The following TMPRSS7 variants were observed in gnomAD, a reference collection of about 807,000 sequenced individuals.
TMPRSS7 encodes transmembrane protease serine 7.
A neutral mutation model predicts 95.6 loss-of-function variants in TMPRSS7; 81 were observed. The ratio of observed to expected loss-of-function variants is 0.85; its 90% CI spans 0.71 to 1.02. The LOEUF is 1.02. TMPRSS7 is among the 50% of genes least tolerant of loss of function. The pLI is 0.00. For synonymous variants in TMPRSS7, 364 were observed against 337.8 expected (o/e 1.08, Z -0.85); for missense variants, 945 against 955.2 (o/e 0.99, Z 0.14).
chr3:112,049,571 T>A (rs1280585044), intron 7 of TMPRSS7, among the ~76,000 whole-genome samples: 1 of 152,152 alleles, frequency 6.6e-6, no homozygotes, highest in Non-Finnish European at 1.5e-5. Flanking sequence ...ATACACTACT[T>A]TTATGCCGTA....
chr3:112,044,667 G>A (rs542815006), intron 4 of TMPRSS7, among the ~76,000 whole-genome samples: 1 of 152,172 alleles, frequency 6.6e-6, no homozygotes, highest in African/African-American at 2.4e-5. Context: ...TGAAAAACTG[G>A]TCACTAGAGA....
chr3:112,071,519 T>C (rs1244596608), intron 13 of TMPRSS7, among the ~76,000 whole-genome samples: 4 of 152,240 alleles, frequency 2.6e-5, no homozygotes, highest in Non-Finnish European at 5.9e-5. Flanking sequence ...GAAGTTCTCA[T>C]GGATAATATC....
At chr3:112,054,549 A>G (rs1231244472) in intron 9 of TMPRSS7, among the ~76,000 whole-genome samples, 3 of 151,974 alleles carry the variant, frequency 2.0e-5, no homozygotes, top group Non-Finnish European at 4.4e-5. Context: ...ATTTCTTTTC[A>G]CTATGGAGGA....
At chr3:112,057,894 C>G (rs1424631719) in intron 10 of TMPRSS7, among the ~76,000 whole-genome samples, 1 of 151,744 alleles carries the variant, frequency 6.6e-6, no homozygotes, top group Non-Finnish European at 1.5e-5. Flanking sequence ...CCTGGCTAAT[C>G]TTTGTAGTTT....
intron 9 of TMPRSS7, among the ~76,000 whole-genome samples, chr3:112,051,765 T>C (rs2073362358): frequency 6.6e-6 from 1 of 152,086 alleles, no homozygotes; most frequent in Non-Finnish European, 1.5e-5. Context: ...AAAAAAAATC[T>C]TAGTAAACTG....
At chr3:112,050,761 G>A in exon 9 of TMPRSS7, 1 of 1,597,080 alleles carries the variant, frequency 6.3e-7, no homozygotes, top group Non-Finnish European at 8.5e-7. Context: ...CCTCCAAAAT[G>A]CAAGTGTACC....
chr3:112,044,181 C>T (rs147032003), intron 3 of TMPRSS7, 74 bp from the exon 4 acceptor site: 3 of 1,055,706 alleles, frequency 2.8e-6, no homozygotes, highest in East Asian at 2.6e-5. Flanking sequence ...AGAGCTTGGG[C>T]CTACAACATT....
At chr3:112,050,021 A>AATG (rs1262931727) in intron 8 of TMPRSS7, 47 bp downstream of exon 8, 1 of 1,496,082 alleles carries the variant, frequency 6.7e-7, no homozygotes, top group South Asian at 1.4e-5. Context: ...AAATATTTGT[A>AATG]ATGATAGGCT....
chr3:112,063,697 T>A (rs2073541902), intron 12 of TMPRSS7, 65 bp downstream of exon 12: 4 of 1,283,316 alleles, frequency 3.1e-6, no homozygotes, highest in Non-Finnish European at 4.5e-6. Context: ...CCATGATTGC[T>A]GCTGATATAT....
chr3:112,042,273 T>C (rs1402870034), intron 3 of TMPRSS7, among the ~76,000 whole-genome samples: 1 of 152,096 alleles, frequency 6.6e-6, no homozygotes, highest in Non-Finnish European at 1.5e-5. Flanking sequence ...AAAAAAAGAA[T>C]GGCTCTCTCA....
intron 9 of TMPRSS7, among the ~76,000 whole-genome samples, chr3:112,055,402 G>A (rs572980975): frequency 6.6e-6 from 1 of 151,518 alleles, no homozygotes; most frequent in South Asian, 2.1e-4. Context: ...AGGTGGTGAG[G>A]GGTGGTTTAC....
At chr3:112,045,545 A>T (rs914201228) in intron 4 of TMPRSS7, among the ~76,000 whole-genome samples, 3 of 152,260 alleles carry the variant, frequency 2.0e-5, no homozygotes, top group Admixed American at 2.0e-4. Flanking sequence ...GTTTTAGATT[A>T]GAATCCAACA....
chr3:112,071,836 T>A (rs1465865716), intron 13 of TMPRSS7, among the ~76,000 whole-genome samples: 1 of 152,230 alleles, frequency 6.6e-6, no homozygotes, highest in Non-Finnish European at 1.5e-5. Flanking sequence ...TTATTCTAGT[T>A]AGCCATTTGT....
At chr3:112,073,394 C>T (rs761728372) in intron 13 of TMPRSS7, among the ~76,000 whole-genome samples, 137 of 152,160 alleles carry the variant, frequency 9.0e-4, no homozygotes, top group African/African-American at 2.4e-3. Flanking sequence ...TGTAATTACG[C>T]GCCTGGCCTT....
chr3:112,073,655 G>A (rs898033007), intron 13 of TMPRSS7, among the ~76,000 whole-genome samples: 2 of 152,150 alleles, frequency 1.3e-5, no homozygotes, highest in Non-Finnish European at 1.5e-5. Flanking sequence ...TGTCAGATGT[G>A]TAGATTGCAA....
intron 4 of TMPRSS7, among the ~76,000 whole-genome samples, chr3:112,045,188 C>A (rs2073262772): frequency 6.6e-6 from 1 of 152,148 alleles, no homozygotes; most frequent in South Asian, 2.1e-4. Context: ...CGCTCTGTCG[C>A]CCAGGCTGGA....
At chr3:112,047,772 A>C (rs760826466) in exon 7 of TMPRSS7, 5 of 1,613,914 alleles carry the variant, frequency 3.1e-6, no homozygotes, top group Middle Eastern at 1.7e-4. Context: ...TATGCAGAGC[A>C]TCTGTCTCTC....
exon 7 of TMPRSS7, chr3:112,047,852 G>T (rs1209560283): frequency 1.2e-6 from 2 of 1,614,134 alleles, no homozygotes; most frequent in East Asian, 2.2e-5. Flanking sequence ...GGCCATAGTG[G>T]GCTACCTGAT....
At chr3:112,070,105 C>T (rs1428170132) in intron 13 of TMPRSS7, among the ~76,000 whole-genome samples, 1 of 152,170 alleles carries the variant, frequency 6.6e-6, no homozygotes, top group Non-Finnish European at 1.5e-5. Flanking sequence ...CATTCAGGAG[C>T]AGGTTATGCA....
Sources: gnomAD v4.1 joint callset for allele counts (sites outside exome capture counted in the v4.1 genomes callset) on GRCh38, gnomAD v4.1.1 for gene constraint, MANE v1.5 for transcripts, NCBI Gene and HGNC (gene_info 2026-07-23, HGNC 2026-07-21) for gene names.